Variants in GSDMC observed in about 807,000 individuals in gnomAD.
The protein encoded by GSDMC is gasdermin C.
GSDMC carries 59 observed loss-of-function variants against 58.0 expected under a neutral mutation model. The observed-to-expected ratio is 1.02, with a 90% CI of 0.82 to 1.26. The LOEUF (loss-of-function observed/expected upper bound fraction) is 1.26. GSDMC is among the 50% of genes most tolerant of loss of function. The probability of loss-of-function intolerance (pLI) is 0.00; values close to 1 mark genes in which losing one functional copy is unlikely to be tolerated. For missense variants in GSDMC, 659 were observed against 598.5 expected (o/e 1.10, Z -1.06); for synonymous variants, 241 against 220.2 (o/e 1.09, Z -0.83).
In GSDMC at chr8:129,748,707, G is replaced by C; in HGVS notation, c.1321C>G (p.Pro441Ala). 6.4e-7 allele frequency: 1 copy of C among 1,553,266 alleles called. No individual in the cohort carries two copies. Among genetic ancestry groups the C allele is most frequent in the Non-Finnish European group, 8.7e-7 (1 of 1,152,040 alleles). Residue 441 changes from proline (P) to alanine (A), a missense_variant, in exon 14 of 14, where the codon CCC becomes GCC. By Grantham distance (27) the Pro-to-Ala change is conservative. Coordinates refer to ENST00000276708, the MANE Select transcript of GSDMC (RefSeq NM_031415.3). Reference protein sequence around the residue: ...RSILEPNFRYPWSIPFTLKPE... With the variant: ...RSILEPNFRYAWSIPFTLKPE... Reference sequence around the variant, plus strand: ...TTGAGGGTGAAGGGAATGCTCCAGGGGTATCTGAAGTTTGGCTCCAGGATG... The same window carrying C: ...TTGAGGGTGAAGGGAATGCTCCAGGCGTATCTGAAGTTTGGCTCCAGGATG...
At chr8:129,723,158 C>G in the GSDMC span, 1 of 152,334 alleles carries the variant, frequency 6.6e-6, no homozygotes, top group South Asian at 2.1e-4. Flanking sequence ...AAAATTCTAC[C>G]CGTCCCAGGG....
At chr8:129,763,354 A>T (rs2033742758) in intron 4 of GSDMC, among the ~76,000 whole-genome samples, 1 of 152,158 alleles carries the variant, frequency 6.6e-6, no homozygotes, top group Admixed American at 6.5e-5. Flanking sequence ...TTTTGAGGTA[A>T]GTGTTCTGAA....
At chr8:129,776,358 G>T in intron 2 of GSDMC, 73 bp from the exon 3 acceptor site, 2 of 1,203,680 alleles carry the variant, frequency 1.7e-6, no homozygotes, top group Non-Finnish European at 2.3e-6. Flanking sequence ...GCCAAGAACA[G>T]CTGGTGTGCA....
the GSDMC span, among the ~76,000 whole-genome samples, chr8:129,711,993 A>G: frequency 1.3e-5 from 2 of 152,210 alleles, no homozygotes; most frequent in African/African-American, 4.8e-5. Flanking sequence ...ATGATGGCAC[A>G]CATCCACAGT....
the GSDMC span, among the ~76,000 whole-genome samples, chr8:129,740,664 C>T: frequency 2.6e-5 from 4 of 152,130 alleles, no homozygotes; most frequent in African/African-American, 9.7e-5. Flanking sequence ...ACAACTGAAA[C>T]CACCTAATGA....
rs567786780 is a variant in GSDMC at position 129,781,960 on chromosome 8, ATT to A, written c.-5+4049_-5+4050del. ...TGGATCATTCTCAAGCGTAGACCAT[ATT>A]TTAGGTCACAGAACCAGTCTTAAAA... On this transcript the variant is annotated intron_variant, in intron 1 of 13. Transcript: ENST00000276708. 6.2e-4 allele frequency among the ~76,000 whole-genome samples: 94 copies of A among 152,310 alleles called. 1 individual carries two copies. The highest frequency in any genetic ancestry group is 2.2e-3 in the African/African-American group (93 of 41,586).
the GSDMC span, among the ~76,000 whole-genome samples, chr8:129,727,619 G>T: frequency 6.6e-6 from 1 of 152,208 alleles, no homozygotes; most frequent in Non-Finnish European, 1.5e-5. Context: ...AATGGGAAAA[G>T]CTACAGACAT....
chr8:129,720,199 T>C, the GSDMC span, among the ~76,000 whole-genome samples: 1 of 152,174 alleles, frequency 6.6e-6, no homozygotes, highest in African/African-American at 2.4e-5. Flanking sequence ...TACTTCCCAA[T>C]ATACAAATCA....
the GSDMC span, chr8:129,723,168 G>T: frequency 6.6e-6 from 1 of 152,160 alleles, no homozygotes; most frequent in Admixed American, 6.5e-5. Context: ...CCGTCCCAGG[G>T]TCTTCTGACC....
intron 5 of GSDMC, 60 bp downstream of exon 5, chr8:129,762,565 CA>C: frequency 1.0e-6 from 1 of 971,120 alleles, no homozygotes; most frequent in Non-Finnish European, 1.7e-6. Context: ...TCATTTCTCT[CA>C]TAGGAGAAGC....
In GSDMC at chr8:129,760,562, T is replaced by A. The variant is rs1388675095; in HGVS notation, c.704A>T (p.Gln235Leu). Residue 235 changes from glutamine (Q) to leucine (L), a missense_variant, in exon 6 of 14, where the codon CAG becomes CTG. By Grantham distance (113) the Gln-to-Leu change is moderately radical (BLOSUM62 -2). Coordinates refer to ENST00000276708, the MANE Select transcript of GSDMC (RefSeq NM_031415.3). Reference sequence around the variant, plus strand: ...GAACTCACCATCTTGAAAGGTTCTCTGTTCATCATCATCTGAGATGAGAAT... The same window carrying A: ...GAACTCACCATCTTGAAAGGTTCTCAGTTCATCATCATCTGAGATGAGAAT... ...KAILISDDDE[Q>L]RTFQDEYEIS... is the part of the protein sequence containing the mutation. 4.4e-6 allele frequency: 7 copies of A among 1,601,182 alleles called. No individual in the cohort carries two copies. Among genetic ancestry groups the A allele is most frequent in the Non-Finnish European group, 6.0e-6 (7 of 1,168,886 alleles).
chr8:129,727,275 C>T, the GSDMC span, among the ~76,000 whole-genome samples: 1 of 152,128 alleles, frequency 6.6e-6, no homozygotes, highest in South Asian at 2.1e-4. Context: ...TGGATTAAAG[C>T]CTTTTAGTGT....
the GSDMC span, among the ~76,000 whole-genome samples, chr8:129,738,476 T>TA: frequency 6.6e-6 from 1 of 152,094 alleles, no homozygotes; most frequent in Non-Finnish European, 1.5e-5. Flanking sequence ...TATGCAGCCA[T>TA]AAAAAAGGTT....
intron 10 of GSDMC, among the ~76,000 whole-genome samples, chr8:129,751,130 G>A (rs1346901640): frequency 6.6e-6 from 1 of 151,998 alleles, no homozygotes; most frequent in African/African-American, 2.4e-5. Flanking sequence ...GAGAGAGAGA[G>A]TTTATGTATG....
Position 129,752,788 on chromosome 8 carries a change from C to T in GSDMC, c.754G>A (p.Ala252Thr), listed in dbSNP as rs138900124. 1 of 1,614,168 alleles carries T rather than the reference C, an allele frequency of 6.2e-7. No individual in the cohort carries two copies. Among genetic ancestry groups the T allele is most frequent in the African/African-American group, 1.3e-5 (1 of 75,042 alleles). The change falls in exon 7 of 14, where the codon GCT (alanine) becomes ACT (threonine). Residue 252 changes from alanine to threonine, a missense_variant. By Grantham distance (58) the Ala-to-Thr change is moderately conservative. Coordinates refer to ENST00000276708, the MANE Select transcript of GSDMC (RefSeq NM_031415.3). ...GGTAGCAACCCCTCACTCCTCGCAG[C>T]ACAGTAGCCTACCATTTCGGAAATT... ...YEISEMVGYC[A>T]ARSEGLLPSF...
intron 1 of GSDMC, among the ~76,000 whole-genome samples, chr8:129,780,397 GA>G (rs1414934350): frequency 6.6e-6 from 1 of 151,616 alleles, no homozygotes; most frequent in Non-Finnish European, 1.5e-5. Flanking sequence ...AGTGGCAAAA[GA>G]AAAGAAAAAA....
At chr8:129,782,284 C>T (rs536144504) in intron 1 of GSDMC, among the ~76,000 whole-genome samples, 1 of 152,056 alleles carries the variant, frequency 6.6e-6, no homozygotes, top group South Asian at 2.1e-4. Flanking sequence ...AATAAATAAC[C>T]TAATGATGCA....
At chr8:129,724,712 T>C in the GSDMC span, among the ~76,000 whole-genome samples, 1 of 152,242 alleles carries the variant, frequency 6.6e-6, no homozygotes, top group Admixed American at 6.5e-5. Flanking sequence ...GAAAAAGCGT[T>C]AGATAGCATA....
At chr8:129,720,887 G>A in the GSDMC span, among the ~76,000 whole-genome samples, 1 of 152,170 alleles carries the variant, frequency 6.6e-6, no homozygotes, top group African/African-American at 2.4e-5. Flanking sequence ...AAAATAAAAT[G>A]GGATAAGTGC....
Sources: allele counts gnomAD v4.1 joint callset (sites outside exome capture counted in the v4.1 genomes callset), GRCh38; gene constraint gnomAD v4.1.1; transcripts MANE v1.5; gene names NCBI Gene and HGNC (gene_info 2026-07-23, HGNC 2026-07-21).